The following CMSS1 variants were observed in gnomAD, a reference collection of about 807,000 sequenced individuals.
CMSS1 encodes the protein protein CMSS1.
In CMSS1, 33 loss-of-function variants were observed where a neutral mutation model predicts 43.5. The ratio of observed to expected loss-of-function variants is 0.76; its 90% CI spans 0.57 to 1.01. The LOEUF (loss-of-function observed/expected upper bound fraction) is 1.01, where lower values mean the gene tolerates loss of function less well. Among genes scored for constraint, CMSS1 ranks in the 50% least tolerant of loss-of-function variants. CMSS1 has a pLI of 0.00. For synonymous variants in CMSS1, 115 were observed against 117.2 expected, an observed-to-expected ratio of 0.98 and a Z score of 0.12; for missense variants, 313 against 326.4, an observed-to-expected ratio of 0.96 and a Z score of 0.32.
intron 1 of CMSS1, among the ~76,000 whole-genome samples, chr3:99,947,048 G>A (rs1708030191): frequency 7.0e-6 from 1 of 143,768 alleles, no homozygotes. Context: ...GAGGCAGGGA[G>A]AATCACTTGC....
chr3:99,986,830 C>G (rs1479742658), intron 1 of CMSS1, among the ~76,000 whole-genome samples: 1 of 152,132 alleles, frequency 6.6e-6, no homozygotes, highest in Non-Finnish European at 1.5e-5. Flanking sequence ...GTACAGAGGA[C>G]AACCCTCCAC....
chr3:100,036,777 C>A (rs2065115181), intron 1 of CMSS1, among the ~76,000 whole-genome samples: 1 of 151,974 alleles, frequency 6.6e-6, no homozygotes, highest in Non-Finnish European at 1.5e-5. Context: ...AGTAGAGAAG[C>A]CTGGTAGTGA....
rs183818612 is a variant in CMSS1 at position 99,886,177 on chromosome 3, G to C, written c.64+68134G>C. Reference sequence around the variant, plus strand: ...GAAGAGTCCTACTGTATTCTTTTAAGAGGTATTCAGCAACTATTTGTTGAA... The same window carrying C: ...GAAGAGTCCTACTGTATTCTTTTAACAGGTATTCAGCAACTATTTGTTGAA... On this transcript the variant is annotated intron_variant, in intron 1 of 9. Coordinates refer to ENST00000421999, the MANE Select transcript of CMSS1 (RefSeq NM_032359.4). 4.5e-3 allele frequency among the ~76,000 whole-genome samples: 687 copies of C among 152,322 alleles called. 19 individuals are homozygous for C. The highest frequency in any genetic ancestry group is 0.043 in the Admixed American group (658 of 15,300).
chr3:99,832,157 A>G (rs1178778668), intron 1 of CMSS1, among the ~76,000 whole-genome samples: 3 of 151,804 alleles, frequency 2.0e-5, no homozygotes, highest in Non-Finnish European at 4.4e-5. Context: ...CATTTTCATT[A>G]CGTAGTTTTT....
intron 1 of CMSS1, among the ~76,000 whole-genome samples, chr3:99,990,220 G>A (rs1177966226): frequency 6.6e-6 from 1 of 151,942 alleles, no homozygotes; most frequent in Non-Finnish European, 1.5e-5. Flanking sequence ...TGGTAGAGAG[G>A]GTAGTCAAGA....
At chr3:100,157,320 G>A (rs2066984471) in intron 2 of CMSS1, among the ~76,000 whole-genome samples, 1 of 152,032 alleles carries the variant, frequency 6.6e-6, no homozygotes, top group Non-Finnish European at 1.5e-5. Flanking sequence ...ATCTCTCTGA[G>A]GATATGAATT....
chr3:100,168,791 A>G (rs1433561930), intron 6 of CMSS1, among the ~76,000 whole-genome samples: 2 of 151,558 alleles, frequency 1.3e-5, no homozygotes, highest in East Asian at 1.9e-4. Flanking sequence ...GGGATAATAT[A>G]CAACTAAAAA....
Position 99,922,825 on chromosome 3 carries a change from G to T in CMSS1, c.64+104782G>T, listed in dbSNP as rs117898337. ...CCAAACTCTCCTTTTTTGCAGCCAC[G>T]CTTCTCAAAATGCTAGTTCACATTT... On this transcript the variant is annotated intron_variant, in intron 1 of 9. Coordinates refer to ENST00000421999, the MANE Select transcript of CMSS1 (RefSeq NM_032359.4). Among the ~76,000 whole-genome samples, 144 of 152,126 alleles carry T rather than the reference G, an allele frequency of 9.5e-4. No individual in the cohort carries two copies. In the East Asian group the frequency reaches 0.018, roughly 19 times the overall value.
At chr3:100,176,761 A>G (rs1011755809) in intron 9 of CMSS1, among the ~76,000 whole-genome samples, 4 of 152,060 alleles carry the variant, frequency 2.6e-5, no homozygotes, top group African/African-American at 9.7e-5. Flanking sequence ...TCATTCTTAT[A>G]TGTGCACTTT....
At chr3:99,986,674 A>G (rs1359550403) in intron 1 of CMSS1, among the ~76,000 whole-genome samples, 1 of 152,160 alleles carries the variant, frequency 6.6e-6, no homozygotes, top group Non-Finnish European at 1.5e-5. Flanking sequence ...GTGTGGGCCT[A>G]AGAACTCAAG....
intron 1 of CMSS1, among the ~76,000 whole-genome samples, chr3:100,101,874 G>A (rs2066313061): frequency 6.6e-6 from 1 of 152,050 alleles, no homozygotes; most frequent in Non-Finnish European, 1.5e-5. Context: ...TGCAGTGTTT[G>A]GTTTTTTGTC....
intron 1 of CMSS1, among the ~76,000 whole-genome samples, chr3:100,028,544 T>A (rs1436478055): frequency 6.6e-6 from 1 of 152,184 alleles, no homozygotes; most frequent in African/African-American, 2.4e-5. Flanking sequence ...TGAGGTAATA[T>A]ATTTTATTAC....
intron 1 of CMSS1, among the ~76,000 whole-genome samples, chr3:100,074,678 T>TTTTTTTTC (rs2065820512): frequency 2.3e-5 from 1 of 43,020 alleles, no homozygotes; most frequent in African/African-American, 8.0e-5. Flanking sequence ...ACATTTGATT[T>TTTTTTTTC]TTTTTTTTTT....
chr3:99,884,766 A>G (rs1487685301), intron 1 of CMSS1, among the ~76,000 whole-genome samples: 8 of 152,220 alleles, frequency 5.3e-5, no homozygotes, highest in Admixed American at 5.2e-4. Flanking sequence ...TCATTTTTGT[A>G]CAATTTAACC....
rs768512581 is a variant in CMSS1, at chr3:99,819,622, A to G, written c.64+1579A>G. Among the ~76,000 whole-genome samples the G allele has an allele frequency of 8.5e-5, 13 of 152,224 alleles. 1 individual carries two copies. Among genetic ancestry groups the G allele is most frequent in the Non-Finnish European group, 1.5e-5 (1 of 68,040 alleles). ...GAAGAGGTCTGGGAAGAGTTTAGTC[A>G]AGTGTGATTGATTTTGAAAGTCACG... On this transcript the variant is annotated intron_variant, in intron 1 of 9. Transcript: ENST00000421999.
At chr3:99,890,370 T>C (rs1037975713) in intron 1 of CMSS1, among the ~76,000 whole-genome samples, 4 of 152,144 alleles carry the variant, frequency 2.6e-5, no homozygotes, top group African/African-American at 7.2e-5. Flanking sequence ...TTCATTGAGC[T>C]TCCTGAGTCT....
chr3:100,094,131 A>G (rs1214925249), intron 1 of CMSS1, among the ~76,000 whole-genome samples: 1 of 152,134 alleles, frequency 6.6e-6, no homozygotes, highest in Non-Finnish European at 1.5e-5. Flanking sequence ...ATTCTGATAG[A>G]TGTGTAGTGA....
intron 1 of CMSS1, among the ~76,000 whole-genome samples, chr3:100,020,322 T>C (rs942521938): frequency 1.3e-5 from 2 of 152,202 alleles, no homozygotes; most frequent in Admixed American, 6.5e-5. Flanking sequence ...GGTGCCATGG[T>C]TTCTTAGTAG....
At chr3:99,958,718 C>G (rs1024113313) in intron 1 of CMSS1, among the ~76,000 whole-genome samples, 2 of 152,122 alleles carry the variant, frequency 1.3e-5, no homozygotes, top group African/African-American at 4.8e-5. Flanking sequence ...GCCAGCAGGG[C>G]TCCTTCAGGG....
Sources: allele counts gnomAD v4.1 joint callset (sites outside exome capture counted in the v4.1 genomes callset), GRCh38; gene constraint gnomAD v4.1.1; transcripts MANE v1.5; gene names NCBI Gene and HGNC (gene_info 2026-07-23, HGNC 2026-07-21).